Variants in XYLB observed in about 807,000 individuals in gnomAD.
XYLB encodes the protein xylulose kinase.
A neutral mutation model predicts 78.7 loss-of-function variants in XYLB; 62 were observed. That is an observed-to-expected ratio of 0.79 (90% confidence interval 0.64 to 0.97). The LOEUF (loss-of-function observed/expected upper bound fraction) is 0.97. XYLB is among the 50% of genes least tolerant of loss of function. The pLI is 0.00. For synonymous variants in XYLB, 245 were observed against 247.4 expected (o/e 0.99, Z 0.09); for missense variants, 687 against 676.8 (o/e 1.02, Z -0.17).
chr3:38,360,224 G>A (rs1705890810), intron 2 of XYLB, 115 bp from the exon 3 acceptor site: 1 of 987,912 alleles, frequency 1.0e-6, no homozygotes, highest in Admixed American at 1.8e-5. Context: ...TGGGGTTGGG[G>A]AAGGTTCTCC....
At chr3:38,436,188 C>T in the XYLB span, among the ~76,000 whole-genome samples, 3,831 of 151,710 alleles carry the variant, frequency 0.025, 170 homozygotes, top group African/African-American at 0.086. Context: ...GCCAGACTAA[C>T]CAAGAAAAAA....
At chr3:38,368,970 G>A (rs1368112802) in intron 8 of XYLB, among the ~76,000 whole-genome samples, 2 of 152,154 alleles carry the variant, frequency 1.3e-5, no homozygotes, top group South Asian at 4.1e-4. Flanking sequence ...ATAAATTGCA[G>A]TTGATGCCAG....
intron 9 of XYLB, among the ~76,000 whole-genome samples, chr3:38,370,560 G>A (rs1180929879): frequency 3.3e-5 from 5 of 152,128 alleles, no homozygotes; most frequent in Admixed American, 6.5e-5. Flanking sequence ...AAATACCAGC[G>A]GGGCTGGCAC....
chr3:38,370,245 C>CACACACACACACAT, intron 9 of XYLB, 71 bp downstream of exon 9: 2 of 819,254 alleles, frequency 2.4e-6, no homozygotes, highest in Non-Finnish European at 4.1e-6. Flanking sequence ...GTAGCGCACA[C>CACACACACACACAT]ACACACACAC....
At chr3:38,383,828 C>T (rs1281836244) in intron 15 of XYLB, among the ~76,000 whole-genome samples, 1 of 152,084 alleles carries the variant, frequency 6.6e-6, no homozygotes, top group Non-Finnish European at 1.5e-5. Context: ...AATCCCATCC[C>T]CTCTCTCCAA....
At chr3:38,405,950 G>A (rs898415343) in intron 18 of XYLB, among the ~76,000 whole-genome samples, 4 of 152,232 alleles carry the variant, frequency 2.6e-5, no homozygotes, top group African/African-American at 9.6e-5. Context: ...TCCACCTCTG[G>A]GGGCAGGGCA....
intron 16 of XYLB, among the ~76,000 whole-genome samples, chr3:38,396,564 C>T (rs1200931068): frequency 6.6e-6 from 1 of 152,180 alleles, no homozygotes; most frequent in Non-Finnish European, 1.5e-5. Context: ...GTGGCATCTA[C>T]TACAATATCT....
intron 17 of XYLB, among the ~76,000 whole-genome samples, chr3:38,400,372 G>A (rs1001498999): frequency 6.6e-6 from 1 of 152,168 alleles, no homozygotes; most frequent in African/African-American, 2.4e-5. Context: ...GGTGCTGAGC[G>A]CTAAGGAGGG....
At chr3:38,388,147 G>T (rs1331436015) in intron 15 of XYLB, among the ~76,000 whole-genome samples, 1 of 146,572 alleles carries the variant, frequency 6.8e-6, no homozygotes, top group Non-Finnish European at 1.5e-5. Context: ...AGGAAGTGCG[G>T]GTGAGGTGGT....
chr3:38,408,517 C>T (rs1187471369), intron 18 of XYLB, among the ~76,000 whole-genome samples: 1 of 150,638 alleles, frequency 6.6e-6, no homozygotes, highest in Non-Finnish European at 1.5e-5. Flanking sequence ...TAGCAGAAGG[C>T]AAGAAATAAC....
chr3:38,362,914 G>A (rs757437005), intron 3 of XYLB, 23 bp from the exon 4 acceptor site: 1 of 1,539,566 alleles, frequency 6.5e-7, no homozygotes, highest in East Asian at 2.4e-5. Flanking sequence ...TACAGTCATG[G>A]TGGGTTCTGT....
intron 8 of XYLB, among the ~76,000 whole-genome samples, chr3:38,368,868 C>G (rs1008741848): frequency 2.0e-5 from 3 of 152,144 alleles, no homozygotes; most frequent in African/African-American, 7.2e-5. Flanking sequence ...GATCATGGAG[C>G]CTGGCTCCTG....
chr3:38,356,068 A>C (rs1380385339), intron 2 of XYLB: 2 of 301,814 alleles, frequency 6.6e-6, no homozygotes, highest in Non-Finnish European at 1.2e-5. Flanking sequence ...TGGCTAATGC[A>C]GTGAAACCCC....
the XYLB span, among the ~76,000 whole-genome samples, chr3:38,443,406 G>A: frequency 6.6e-6 from 1 of 152,278 alleles, no homozygotes; most frequent in East Asian, 1.9e-4. Flanking sequence ...ATGGGCGAGG[G>A]GGAAGCTTGT....
chr3:38,413,133 T>A lies in XYLB; in HGVS notation c.*120T>A. 1 of 1,008,222 alleles carries A rather than the reference T, an allele frequency of 9.9e-7. No individual in the cohort carries two copies. Among genetic ancestry groups the A allele is most frequent in the Non-Finnish European group, 1.4e-6 (1 of 713,922 alleles). The allele number at this position is 1,008,222 out of a possible 1,614,324, so 62.5% of individuals were successfully genotyped here. A position where few individuals can be genotyped will look rare whatever the true frequency, so the allele number is the denominator to read the frequency against. Reference sequence around the variant, plus strand: ...AGCTCTTCCTGCCCCTACTGACTCCTTGGAGTGTCCAGGACCATCTTAAAG... The same window carrying A: ...AGCTCTTCCTGCCCCTACTGACTCCATGGAGTGTCCAGGACCATCTTAAAG... On this transcript the variant is annotated 3_prime_UTR_variant, in exon 19 of 19. Transcript: ENST00000207870.
the XYLB span, among the ~76,000 whole-genome samples, chr3:38,433,987 C>T: frequency 6.6e-6 from 1 of 152,188 alleles, no homozygotes; most frequent in Non-Finnish European, 1.5e-5. Context: ...TTCCACATGG[C>T]TGGAGAGGCC....
At chr3:38,407,611 T>C (rs1439163476) in intron 18 of XYLB, among the ~76,000 whole-genome samples, 3 of 151,318 alleles carry the variant, frequency 2.0e-5, no homozygotes, top group East Asian at 1.9e-4. Flanking sequence ...GAGTCAAGAC[T>C]CATCAGTGTG....
intron 4 of XYLB, among the ~76,000 whole-genome samples, chr3:38,364,168 A>G (rs566353135): frequency 6.6e-6 from 1 of 151,818 alleles, no homozygotes; most frequent in Non-Finnish European, 1.5e-5. Context: ...TCTCTTTCTC[A>G]GGGAATTCTC....
intron 2 of XYLB, chr3:38,355,890 G>C (rs1705619420): frequency 1.5e-6 from 1 of 667,400 alleles, no homozygotes; most frequent in African/African-American, 1.8e-5. Context: ...AACTTCAGCT[G>C]TATCAAGCCA....
Sources: allele counts gnomAD v4.1 joint callset (sites outside exome capture counted in the v4.1 genomes callset), GRCh38; gene constraint gnomAD v4.1.1; transcripts MANE v1.5; gene names NCBI Gene and HGNC (gene_info 2026-07-23, HGNC 2026-07-21).